Variants in SNX29 observed in about 807,000 individuals in gnomAD.
The protein encoded by SNX29 is sorting nexin 29.
Under a neutral mutation model 102.1 loss-of-function variants are expected in SNX29, and 78 were observed. That is an observed-to-expected ratio of 0.76 (90% CI 0.64 to 0.92). The LOEUF (loss-of-function observed/expected upper bound fraction) is 0.92, where lower values mean the gene tolerates loss of function less well. Among genes scored for constraint, SNX29 ranks in the 40% least tolerant of loss-of-function variants. The pLI, the probability that SNX29 is intolerant of heterozygous loss-of-function variation, is 0.00. For synonymous variants in SNX29, 580 were observed against 414.5 expected, an observed-to-expected ratio of 1.40 and a Z score of -4.85; for missense variants, 1,280 against 1,061.7, an observed-to-expected ratio of 1.21 and a Z score of -2.86.
At chr16:12,440,428 C>T (rs1416863810) in intron 18 of SNX29, among the ~76,000 whole-genome samples, 4 of 152,112 alleles carry the variant, frequency 2.6e-5, no homozygotes, top group South Asian at 4.1e-4. Context: ...AGCCAGTAAT[C>T]GACTTTCTTT....
intron 13 of SNX29, among the ~76,000 whole-genome samples, chr16:12,181,946 C>T (rs1251568828): frequency 2.6e-5 from 4 of 151,412 alleles, no homozygotes; most frequent in Admixed American, 6.6e-5. Flanking sequence ...TGCAGTGGCA[C>T]GATCTCAGCT....
At chr16:12,036,492 G>A (rs1449713145) in intron 4 of SNX29, among the ~76,000 whole-genome samples, 3 of 152,050 alleles carry the variant, frequency 2.0e-5, no homozygotes, top group East Asian at 1.9e-4. Context: ...CCGCCACCAC[G>A]CCCAGCTAAT....
Position 11,976,819 on chromosome 16 carries a change from TG to T in SNX29, c.7+8del. 1 of 1,373,740 alleles carries T rather than the reference TG, an allele frequency of 7.3e-7. No homozygotes were observed. The highest frequency in any genetic ancestry group is 9.4e-7 in the Non-Finnish European group (1 of 1,063,160). 85.1% of individuals were successfully genotyped at this position (1,373,740 alleles called of 1,614,324 possible). On this transcript the variant is annotated splice_region_variant and intron_variant, in intron 1 of 20. Coordinates refer to ENST00000566228, the MANE Select transcript of SNX29 (RefSeq NM_032167.5). ...GGGGAGAGGCACCATGAGCGGTGAGTGGCGGCCCCGCCGCTGTCACCTGCCC... is the reference window on the plus strand; with the variant it reads ...GGGGAGAGGCACCATGAGCGGTGAGTGCGGCCCCGCCGCTGTCACCTGCCC...
At chr16:12,341,001 C>T (rs963652567) in intron 15 of SNX29, among the ~76,000 whole-genome samples, 2 of 152,168 alleles carry the variant, frequency 1.3e-5, no homozygotes, top group Admixed American at 6.5e-5. Context: ...TATTTCCTTA[C>T]CTGTAGAATG....
intron 1 of SNX29, among the ~76,000 whole-genome samples, chr16:11,979,440 C>T (rs1308672152): frequency 2.6e-5 from 4 of 152,066 alleles, no homozygotes; most frequent in South Asian, 2.1e-4. Context: ...GGAAGTCCAA[C>T]GATATATTTT....
chr16:12,540,651 A>T (rs1361221677), intron 20 of SNX29, among the ~76,000 whole-genome samples: 1 of 152,172 alleles, frequency 6.6e-6, no homozygotes, highest in African/African-American at 2.4e-5. Flanking sequence ...CCATCTCAAA[A>T]GCCTGAATGT....
chr16:12,412,204 C>A (rs1015759245), intron 18 of SNX29, among the ~76,000 whole-genome samples: 10 of 152,334 alleles, frequency 6.6e-5, no homozygotes, highest in Non-Finnish European at 8.8e-5. Flanking sequence ...TTAATTCTTA[C>A]AGCAACCTAT....
At chr16:12,428,918 A>G (rs2085197780) in intron 18 of SNX29, among the ~76,000 whole-genome samples, 1 of 152,240 alleles carries the variant, frequency 6.6e-6, no homozygotes, top group Admixed American at 6.5e-5. Flanking sequence ...TAATCCCAAC[A>G]CACAGATACG....
intron 15 of SNX29, among the ~76,000 whole-genome samples, chr16:12,330,321 G>T (rs2081257325): frequency 6.6e-6 from 1 of 152,092 alleles, no homozygotes; most frequent in South Asian, 2.1e-4. Flanking sequence ...AGAGAAATTA[G>T]CCAAGCATGG....
chr16:12,033,221 A>G (rs905407849), intron 4 of SNX29, among the ~76,000 whole-genome samples: 37 of 151,892 alleles, frequency 2.4e-4, no homozygotes, highest in African/African-American at 7.7e-4. Flanking sequence ...AGAACCAGAG[A>G]GTGATTACCA....
intron 20 of SNX29, among the ~76,000 whole-genome samples, chr16:12,559,064 G>T (rs1284600895): frequency 1.3e-5 from 2 of 152,104 alleles, no homozygotes; most frequent in Non-Finnish European, 2.9e-5. Context: ...CAATGTAGAG[G>T]TCTACCGCTG....
intron 19 of SNX29, among the ~76,000 whole-genome samples, chr16:12,511,596 G>A (rs1001843632): frequency 1.3e-5 from 2 of 152,202 alleles, no homozygotes; most frequent in Non-Finnish European, 2.9e-5. Flanking sequence ...TGTGTTTGCA[G>A]TGAAGTTTTG....
chr16:12,070,873 T>C (rs943905912), intron 10 of SNX29, among the ~76,000 whole-genome samples: 6 of 152,234 alleles, frequency 3.9e-5, no homozygotes, highest in Admixed American at 3.3e-4. Flanking sequence ...TTCTAACTGG[T>C]GTGAGATGGT....
intron 13 of SNX29, among the ~76,000 whole-genome samples, chr16:12,161,139 C>T (rs941117500): frequency 1.3e-5 from 2 of 152,214 alleles, no homozygotes; most frequent in Admixed American, 6.5e-5. Context: ...TCTGATACCT[C>T]GTCACGTTCT....
chr16:12,544,618 A>C (rs960683050), intron 20 of SNX29, among the ~76,000 whole-genome samples: 5 of 152,198 alleles, frequency 3.3e-5, no homozygotes, highest in African/African-American at 1.2e-4. Context: ...ACTCTGCGTC[A>C]TGCCTTGGGA....
At chr16:12,418,707 G>A (rs1048997689) in intron 18 of SNX29, among the ~76,000 whole-genome samples, 2 of 152,122 alleles carry the variant, frequency 1.3e-5, no homozygotes, top group Non-Finnish European at 2.9e-5. Context: ...TAGAGACGGG[G>A]TTTTGCCCTG....
At chr16:12,191,646 A>G (rs1276574640) in intron 13 of SNX29, among the ~76,000 whole-genome samples, 2 of 152,232 alleles carry the variant, frequency 1.3e-5, no homozygotes, top group African/African-American at 4.8e-5. Context: ...ATGCCTTAGA[A>G]AAGGTGGCGG....
At chr16:12,302,604 G>A (rs550391677) in intron 15 of SNX29, among the ~76,000 whole-genome samples, 9 of 152,306 alleles carry the variant, frequency 5.9e-5, no homozygotes, top group East Asian at 1.9e-4. Flanking sequence ...AATCCCATTC[G>A]TGAGGGCTCT....
At chr16:12,147,177 C>G (rs1175865206) in intron 13 of SNX29, among the ~76,000 whole-genome samples, 1 of 152,196 alleles carries the variant, frequency 6.6e-6, no homozygotes, top group Admixed American at 6.5e-5. Context: ...TCATTAGTAC[C>G]CAATGCCAGA....
Sources: gnomAD v4.1 joint callset for allele counts (sites outside exome capture counted in the v4.1 genomes callset) on GRCh38, gnomAD v4.1.1 for gene constraint, MANE v1.5 for transcripts, NCBI Gene and HGNC (gene_info 2026-07-23, HGNC 2026-07-21) for gene names.